BLTP1: variants seen among roughly 807,000 people sequenced by gnomAD.
BLTP1 encodes the protein fragile site-associated protein.
the BLTP1 span, chr4:122,201,000 G>T: frequency 6.2e-7 from 1 of 1,607,292 alleles, no homozygotes; most frequent in South Asian, 1.1e-5. Context: ...CCTAACATTT[G>T]TTTTGCAGTT....
At chr4:122,265,945 T>C in the BLTP1 span, among the ~76,000 whole-genome samples, 1 of 152,172 alleles carries the variant, frequency 6.6e-6, no homozygotes, top group Non-Finnish European at 1.5e-5. Flanking sequence ...CCACCTGCCT[T>C]GGCCTCCCAA....
chr4:122,336,427 C>T, the BLTP1 span: 1 of 986,372 alleles, frequency 1.0e-6, no homozygotes, highest in South Asian at 2.2e-5. Context: ...TTTCTTAATG[C>T]TATTATACAT....
the BLTP1 span, chr4:122,286,428 G>A: frequency 1.3e-6 from 2 of 1,503,928 alleles, no homozygotes; most frequent in Non-Finnish European, 1.8e-6. Context: ...TATATTTCAA[G>A]ATAGGTTTGG....
the BLTP1 span, chr4:122,281,520 T>C: frequency 6.4e-7 from 1 of 1,556,218 alleles, no homozygotes. Flanking sequence ...TTAATTATTT[T>C]TTTTTTGCTT....
At chr4:122,238,938 T>C in the BLTP1 span, among the ~76,000 whole-genome samples, 2 of 152,172 alleles carry the variant, frequency 1.3e-5, no homozygotes, top group Non-Finnish European at 2.9e-5. Context: ...CTAGCTAACA[T>C]CTTTTAAATG....
the BLTP1 span, chr4:122,239,999 G>A: frequency 1.2e-6 from 2 of 1,614,122 alleles, no homozygotes; most frequent in South Asian, 1.1e-5. Context: ...GTGTAGAAGG[G>A]CCACTTACTG....
At chr4:122,245,822 A>G in the BLTP1 span, among the ~76,000 whole-genome samples, 3 of 152,160 alleles carry the variant, frequency 2.0e-5, no homozygotes, top group Admixed American at 6.6e-5. Flanking sequence ...TTCCTAGCCA[A>G]AAAGGGGCCA....
chr4:122,190,674 G>A, the BLTP1 span, among the ~76,000 whole-genome samples: 1 of 152,038 alleles, frequency 6.6e-6, no homozygotes, highest in African/African-American at 2.4e-5. Context: ...AACCTTTAAA[G>A]GATGTAGTGA....
chr4:122,244,605 A>C, the BLTP1 span: 1 of 968,608 alleles, frequency 1.0e-6, no homozygotes, highest in Non-Finnish European at 1.2e-6. Flanking sequence ...ACATAATGGA[A>C]GTGGTGTAGA....
chr4:122,169,689 A>G, the BLTP1 span: 3 of 972,962 alleles, frequency 3.1e-6, no homozygotes. Flanking sequence ...ACACATATCT[A>G]TATACATACA....
At chr4:122,263,171 G>T in the BLTP1 span, 1 of 983,378 alleles carries the variant, frequency 1.0e-6, no homozygotes, top group Non-Finnish European at 1.2e-6. Context: ...CCCTTAGTTT[G>T]CATTTTTAAA....
At chr4:122,198,252 A>G in the BLTP1 span, 3 of 982,946 alleles carry the variant, frequency 3.1e-6, no homozygotes, top group African/African-American at 1.7e-5. Flanking sequence ...ACTAACCCTT[A>G]TCTAGTGTTA....
the BLTP1 span, chr4:122,181,155 T>C: frequency 9.8e-6 from 3 of 304,746 alleles, no homozygotes; most frequent in African/African-American, 6.8e-5. Context: ...GGTCTTTAGC[T>C]GACAATCATC....
the BLTP1 span, among the ~76,000 whole-genome samples, chr4:122,320,520 T>G: frequency 6.6e-6 from 1 of 152,178 alleles, no homozygotes; most frequent in Non-Finnish European, 1.5e-5. Flanking sequence ...CCTTTATCAT[T>G]TCATAATGCT....
the BLTP1 span, among the ~76,000 whole-genome samples, chr4:122,240,618 T>A: frequency 2.0e-5 from 3 of 152,206 alleles, no homozygotes; most frequent in African/African-American, 7.2e-5. Flanking sequence ...ACTCTAAGAT[T>A]AGGATCAACT....
chr4:122,287,606 T>C, the BLTP1 span: 2 of 985,178 alleles, frequency 2.0e-6, no homozygotes, highest in Non-Finnish European at 2.4e-6. Flanking sequence ...GTGCTATTTG[T>C]TTTATAAATT....
chr4:122,249,412 G>A, the BLTP1 span: 1 of 1,567,332 alleles, frequency 6.4e-7, no homozygotes, highest in Non-Finnish European at 8.6e-7. Context: ...TGTGCCATAT[G>A]TCCAAATGTT....
chr4:122,270,907 T>A, the BLTP1 span: 1 of 1,379,562 alleles, frequency 7.2e-7, no homozygotes, highest in Non-Finnish European at 9.6e-7. Flanking sequence ...TTAAAATTAT[T>A]TAAGACTCAT....
chr4:122,286,492 T>C, the BLTP1 span: 1 of 1,604,082 alleles, frequency 6.2e-7, no homozygotes, highest in Non-Finnish European at 8.5e-7. Context: ...GAGGAATGAA[T>C]GAGTGAATGA....
Sources: allele counts gnomAD v4.1 joint callset (sites outside exome capture counted in the v4.1 genomes callset), GRCh38; gene constraint gnomAD v4.1.1; transcripts MANE v1.5; gene names NCBI Gene and HGNC (gene_info 2026-07-23, HGNC 2026-07-21).